Variants in ATP9A observed in about 807,000 individuals in gnomAD.
ATP9A encodes probable phospholipid-transporting ATPase IIA.
In ATP9A, 52 loss-of-function variants were observed where a neutral mutation model predicts 144.1. The observed-to-expected ratio is 0.36, with a 90% CI of 0.29 to 0.45. The LOEUF is 0.45. Ranked by LOEUF, ATP9A falls within the 20% of genes least tolerant of loss-of-function variation. The probability of loss-of-function intolerance (pLI) is 1.00; values close to 1 mark genes in which losing one functional copy is unlikely to be tolerated. For missense variants in ATP9A, 947 were observed against 1,392.7 expected (o/e 0.68, Z 5.09); for synonymous variants, 582 against 557.4 (o/e 1.04, Z -0.62).
intron 14 of ATP9A, among the ~76,000 whole-genome samples, chr20:51,642,582 G>A (rs376727652): frequency 3.3e-5 from 5 of 151,638 alleles, no homozygotes; most frequent in Admixed American, 6.6e-5. Flanking sequence ...GCATTGCTGC[G>A]GAGGCTCTAG....
intron 8 of ATP9A, among the ~76,000 whole-genome samples, chr20:51,689,349 GA>G (rs2077537200): frequency 3.3e-5 from 5 of 152,182 alleles, no homozygotes; most frequent in Middle Eastern, 6.8e-3. Context: ...AGAAATATGT[GA>G]AAAAGTTGGC....
intron 27 of ATP9A, 30 bp downstream of exon 27, chr20:51,604,787 G>T: frequency 6.9e-7 from 1 of 1,445,846 alleles, no homozygotes; most frequent in East Asian, 2.6e-5. Flanking sequence ...TGGGGGTGAC[G>T]GACGGGGTTT....
rs1395318092 is a variant in ATP9A at position 51,719,313 on chromosome 20, T to G, written c.328-6239A>C. Among the ~76,000 whole-genome samples the G allele has an allele frequency of 3.3e-5, 5 of 152,228 alleles. 1 individual carries two copies. In the Middle Eastern group the frequency reaches 0.014, roughly 414 times the overall value. ...ACATACAGACCACGAGGAAAAGGGA[T>G]GGGTCCAATTCACATACTGCTTTAA... On this transcript the variant is annotated intron_variant, in intron 3 of 27. Transcript: ENST00000338821.
intron 1 of ATP9A, among the ~76,000 whole-genome samples, chr20:51,765,102 C>T (rs2077897876): frequency 6.6e-6 from 1 of 152,142 alleles, no homozygotes; most frequent in African/African-American, 2.4e-5. Flanking sequence ...AAGTGTCCAG[C>T]AGACAGCCTG....
At chr20:51,692,494 G>A (rs1048778971) in intron 7 of ATP9A, among the ~76,000 whole-genome samples, 44 of 152,132 alleles carry the variant, frequency 2.9e-4, no homozygotes, top group African/African-American at 9.7e-4. Flanking sequence ...TGGGGCTGGA[G>A]GGGGAGCGTG....
chr20:51,661,451 C>G (rs2077410277), intron 13 of ATP9A, among the ~76,000 whole-genome samples: 1 of 151,460 alleles, frequency 6.6e-6, no homozygotes, highest in Admixed American at 6.6e-5. Context: ...GCAGCCTCAA[C>G]CTTCTGGGCT....
chr20:51,746,527 T>C (rs905401626), intron 1 of ATP9A, among the ~76,000 whole-genome samples: 14 of 151,054 alleles, frequency 9.3e-5, no homozygotes, highest in African/African-American at 3.4e-4. Flanking sequence ...AGCTAAACGC[T>C]GTCTCTACTA....
chr20:51,652,257 G>A (rs1211763332), intron 14 of ATP9A, among the ~76,000 whole-genome samples: 2 of 152,182 alleles, frequency 1.3e-5, no homozygotes, highest in Admixed American at 1.3e-4. Context: ...TGGCAGGGAG[G>A]GCCCAGCGCC....
chr20:51,693,004 G>A (rs1281013349), intron 7 of ATP9A, among the ~76,000 whole-genome samples: 2 of 152,162 alleles, frequency 1.3e-5, no homozygotes, highest in African/African-American at 4.8e-5. Flanking sequence ...CGTGAGCACA[G>A]GGGAAGCTTC....
chr20:51,745,265 T>TAAA (rs56011562), intron 1 of ATP9A, among the ~76,000 whole-genome samples: 1 of 106,526 alleles, frequency 9.4e-6, no homozygotes, highest in African/African-American at 3.7e-5. Context: ...AGACTCCGTC[T>TAAA]AAAAAAAAAA....
chr20:51,671,351 G>T, intron 11 of ATP9A, 94 bp from the exon 12 acceptor site: 3 of 1,420,114 alleles, frequency 2.1e-6, no homozygotes, highest in East Asian at 2.3e-5. Context: ...ATGTGCCATC[G>T]CATCCGGACT....
At chr20:51,644,235 TG>T (rs2122753583) in intron 14 of ATP9A, among the ~76,000 whole-genome samples, 1 of 150,454 alleles carries the variant, frequency 6.6e-6, no homozygotes, top group East Asian at 1.9e-4. Context: ...GTGATACACA[TG>T]GAGAGAATTA....
At chr20:51,610,827 G>A (rs759791147) in intron 23 of ATP9A, among the ~76,000 whole-genome samples, 1 of 152,140 alleles carries the variant, frequency 6.6e-6, no homozygotes, top group Non-Finnish European at 1.5e-5. Context: ...TACATGTTTC[G>A]GTATTTGGGG....
intron 19 of ATP9A, among the ~76,000 whole-genome samples, chr20:51,619,750 C>T: frequency 6.7e-6 from 1 of 148,954 alleles, no homozygotes; most frequent in Non-Finnish European, 1.5e-5. Flanking sequence ...TGCCTATAAT[C>T]CCAGCTACTT....
chr20:51,758,697 C>A (rs1466134440), intron 1 of ATP9A, among the ~76,000 whole-genome samples: 1 of 152,066 alleles, frequency 6.6e-6, no homozygotes, highest in Non-Finnish European at 1.5e-5. Flanking sequence ...AAGGCCAAGG[C>A]GGGCGGATCA....
Position 51,619,061 on chromosome 20 carries a change from T to A in ATP9A, c.2116-18A>T. On this transcript the variant is annotated intron_variant, in intron 19 of 27. Transcript: ENST00000338821. ...TTGGTCACCTGGAAGGGAACAGAGATGGGGAAGGAGGCATTGCTCTCCGGA... is the reference window on the plus strand; with the variant it reads ...TTGGTCACCTGGAAGGGAACAGAGAAGGGGAAGGAGGCATTGCTCTCCGGA... 1 of 1,604,548 alleles carries A rather than the reference T, an allele frequency of 6.2e-7. No homozygotes were observed. The highest frequency in any genetic ancestry group is 1.1e-5 in the South Asian group (1 of 90,834).
At chr20:51,717,574 A>G (rs1321375632) in intron 3 of ATP9A, among the ~76,000 whole-genome samples, 3 of 152,168 alleles carry the variant, frequency 2.0e-5, no homozygotes, top group Non-Finnish European at 4.4e-5. Context: ...TTCTATCCTA[A>G]GCTATAGTCA....
intron 26 of ATP9A, among the ~76,000 whole-genome samples, chr20:51,606,288 CAT>C (rs1366738739): frequency 1.6e-4 from 24 of 152,332 alleles, no homozygotes; most frequent in South Asian, 4.1e-4. Flanking sequence ...CCCAAATACA[CAT>C]GTTTATTTGT....
At position 51,599,772 on chromosome 20, in the gene ATP9A, CCAGG is replaced by C. The variant is rs2077134348; in HGVS notation, c.*1435_*1438del. The C allele has an allele frequency of 6.6e-6, 1 of 152,094 alleles. No individual in the cohort carries two copies. The highest frequency in any genetic ancestry group is 2.4e-5 in the African/African-American group (1 of 41,372). The allele number at this position is 152,094 out of a possible 1,614,324, so 9.4% of individuals were successfully genotyped here. A position where few individuals can be genotyped will look rare whatever the true frequency, so the allele number is the denominator to read the frequency against. ...ATCTCTGAAGCACACAGAAGTAGCG[CCAGG>C]CAGAGGGTTTGAAGGATATGTATTC... is the stretch of plus-strand genomic sequence containing the variant. On this transcript the variant is annotated 3_prime_UTR_variant, in exon 28 of 28. Coordinates refer to ENST00000338821, the MANE Select transcript of ATP9A (RefSeq NM_006045.3).
Sources: gnomAD v4.1 joint callset for allele counts (sites outside exome capture counted in the v4.1 genomes callset) on GRCh38, gnomAD v4.1.1 for gene constraint, MANE v1.5 for transcripts, NCBI Gene and HGNC (gene_info 2026-07-23, HGNC 2026-07-21) for gene names.